The following FBXO8 variants were observed in gnomAD, a reference collection of about 807,000 sequenced individuals.
FBXO8 encodes the protein F-box protein 8.
Under a neutral mutation model 33.4 loss-of-function variants are expected in FBXO8, and 15 were observed. The ratio of observed to expected loss-of-function variants is 0.45; its 90% CI spans 0.30 to 0.69. The LOEUF (loss-of-function observed/expected upper bound fraction) is 0.69. FBXO8 is among the 30% of genes least tolerant of loss of function. FBXO8 has a pLI of 0.08. For synonymous variants in FBXO8, 132 were observed against 131.5 expected, an observed-to-expected ratio of 1.00 and a Z score of -0.02; for missense variants, 274 against 380.3, an observed-to-expected ratio of 0.72 and a Z score of 2.32.
At chr4:174,269,622 T>C (rs553979262) in intron 1 of FBXO8, among the ~76,000 whole-genome samples, 36 of 150,278 alleles carry the variant, frequency 2.4e-4, no homozygotes, top group African/African-American at 5.4e-4. Flanking sequence ...GAGGCAGAGG[T>C]TGCACCGAGC....
At chr4:174,273,675 C>G (rs1432152370) in intron 1 of FBXO8, among the ~76,000 whole-genome samples, 1 of 152,082 alleles carries the variant, frequency 6.6e-6, no homozygotes, top group Non-Finnish European at 1.5e-5. Flanking sequence ...ACAGATGGAA[C>G]AATAAGGTGA....
rs769805068 is a variant in FBXO8 at position 174,262,908 on chromosome 4, G to A, written c.185C>T (p.Ser62Leu). The A allele has an allele frequency of 1.5e-5, 24 of 1,613,878 alleles. No homozygotes were observed. Among genetic ancestry groups the A allele is most frequent in the East Asian group, 4.5e-5 (2 of 44,890 alleles). Residue 62 changes from serine (S) to leucine (L), a missense_variant, in exon 2 of 6, where the codon TCG becomes TTG. By Grantham distance (145) the Ser-to-Leu change is moderately radical. Coordinates refer to ENST00000393674, the MANE Select transcript of FBXO8 (RefSeq NM_012180.3). This position sits in a 1 kb window ranked among gnomAD's most constrained non-coding sequence, Gnocchi z 4.6. ...ATTAATGAATCCTTCCTGTTCTTTC[G>A]ATTTCCTTGCCTTCAAAAGATGATA... ...DIYHLLKARK[S>L]KEQEGFINLE...
rs138684583 is a variant in FBXO8 at position 174,241,213 on chromosome 4, C to T, written c.462G>A (p.Val154=). The part of the protein sequence containing the change: ...LTFNANPDEG[V]NYFMSKGILD... ...GGATACCCTTGGACATAAAGTAGTT[C>T]ACTCCCTAAGGCAGAAAGACAAGTC... Residue 154 remains valine, a synonymous_variant, in exon 4 of 6, where the codon GTG becomes GTA. Coordinates refer to ENST00000393674, the MANE Select transcript of FBXO8 (RefSeq NM_012180.3). This position sits in a 1 kb window ranked among gnomAD's most constrained non-coding sequence, Gnocchi z 4.2. 3 of 1,591,530 alleles carry T rather than the reference C, an allele frequency of 1.9e-6. No individual in the cohort carries two copies. The African/African-American group carries it at 4.1e-5, about 21-fold the overall frequency.
chr4:174,242,264 C>T (rs1233877671), intron 3 of FBXO8, among the ~76,000 whole-genome samples: 1 of 151,498 alleles, frequency 6.6e-6, no homozygotes, highest in East Asian at 1.9e-4. Flanking sequence ...ACATAGTACT[C>T]AGAAATATTA....
At chr4:174,260,992 T>C (rs1236287393) in intron 2 of FBXO8, among the ~76,000 whole-genome samples, 1 of 151,972 alleles carries the variant, frequency 6.6e-6, no homozygotes, top group Non-Finnish European at 1.5e-5. Flanking sequence ...TCTGAGCATA[T>C]AACATCAAAA....
intron 1 of FBXO8, among the ~76,000 whole-genome samples, chr4:174,273,445 G>A (rs151206530): frequency 6.6e-6 from 1 of 151,758 alleles, no homozygotes; most frequent in Non-Finnish European, 1.5e-5. Context: ...TTGCTATGTC[G>A]CACATTATTG....
chr4:174,252,927 C>T lies in FBXO8; in HGVS notation c.456+6772G>A, dbSNP rs1322044777. On this transcript the variant is annotated intron_variant, in intron 3 of 5. Coordinates refer to ENST00000393674, the MANE Select transcript of FBXO8 (RefSeq NM_012180.3). The surrounding 1 kb of genome is among the most constrained non-coding windows in gnomAD (Gnocchi z 5.1). ...TGGTGATTGCAGTGAGCCAAGACTG[C>T]ACCACTGCACTCCAGCCTGGGCAAC... is the stretch of plus-strand genomic sequence containing the variant. Among the ~76,000 whole-genome samples, 1 of 152,092 alleles carries T rather than the reference C, an allele frequency of 6.6e-6. No individual in the cohort carries two copies. The highest frequency in any genetic ancestry group is 2.4e-5 in the African/African-American group (1 of 41,416).
rs775291445 is a variant in FBXO8 at position 174,251,485 on chromosome 4, A to G, written c.456+8214T>C. 6.6e-6 allele frequency among the ~76,000 whole-genome samples: 1 copy of G among 152,120 alleles called. No individual in the cohort carries two copies. Among genetic ancestry groups the G allele is most frequent in the Non-Finnish European group, 1.5e-5 (1 of 68,018 alleles). ...AAAAGGGAAAAGGAGGGTGGCTGGGATAGAGTATGGTTAGGGTAAGGTGTA... is the reference window on the plus strand; with the variant it reads ...AAAAGGGAAAAGGAGGGTGGCTGGGGTAGAGTATGGTTAGGGTAAGGTGTA... On this transcript the variant is annotated intron_variant, in intron 3 of 5. Coordinates refer to ENST00000393674, the MANE Select transcript of FBXO8 (RefSeq NM_012180.3). This position sits in a 1 kb window ranked among gnomAD's most constrained non-coding sequence, Gnocchi z 4.2.
chr4:174,281,998 C>G lies in FBXO8; in HGVS notation c.-9+1412G>C, dbSNP rs1312174535. Among the ~76,000 whole-genome samples, 1 of 152,120 alleles carries G rather than the reference C, an allele frequency of 6.6e-6. No homozygotes were observed. Among genetic ancestry groups the G allele is most frequent in the East Asian group, 1.9e-4 (1 of 5,202 alleles). On this transcript the variant is annotated intron_variant, in intron 1 of 5. Coordinates refer to ENST00000393674, the MANE Select transcript of FBXO8 (RefSeq NM_012180.3). The surrounding 1 kb of genome is among the most constrained non-coding windows in gnomAD (Gnocchi z 4.6). ...AATGGAATAGTGCCAGTTTCCAAAT[C>G]TGAATCAAAATGAGGAAAAAATTAG...
At chr4:174,249,334 C>G (rs886897191) in intron 3 of FBXO8, among the ~76,000 whole-genome samples, 1 of 151,894 alleles carries the variant, frequency 6.6e-6, no homozygotes, top group African/African-American at 2.4e-5. Context: ...GCATTCTAAT[C>G]AAAATATGGA....
In FBXO8 at chr4:174,245,575, G is replaced by A. The variant is rs1736140107; in HGVS notation, c.457-4357C>T. Among the ~76,000 whole-genome samples the A allele has an allele frequency of 6.6e-6, 1 of 151,854 alleles. No individual in the cohort carries two copies. Among genetic ancestry groups the A allele is most frequent in the South Asian group, 2.1e-4 (1 of 4,826 alleles). On this transcript the variant is annotated intron_variant, in intron 3 of 5. Transcript: ENST00000393674. This position sits in a 1 kb window ranked among gnomAD's most constrained non-coding sequence, Gnocchi z 4.6. ...GAAATAGTGCTGAATTTTAGGGTAA[G>A]AAGTTTATTCTCTATCCTAAATCTA... is the stretch of plus-strand genomic sequence containing the variant.
Position 174,262,888 on chromosome 4 carries a change from T to C in FBXO8, c.205A>G (p.Ile69Val). The change falls in exon 2 of 6, where the codon ATT becomes GTT. Residue 69 changes from isoleucine to valine, a missense_variant. This residue lies in a region of FBXO8 where 88 missense variants were observed against 86.9 expected (regional missense o/e 1.01). Transcript: ENST00000393674. The surrounding 1 kb of genome is among the most constrained non-coding windows in gnomAD (Gnocchi z 4.6). ...TCAGGAGGCAACATTTCCAAATTAATGAATCCTTCCTGTTCTTTCGATTTC... is the reference window on the plus strand; with the variant it reads ...TCAGGAGGCAACATTTCCAAATTAACGAATCCTTCCTGTTCTTTCGATTTC... ...ARKSKEQEGF[I>V]NLEMLPPELS... is the part of the protein sequence containing the mutation. 6.2e-7 allele frequency: 1 copy of C among 1,614,088 alleles called. No individual in the cohort carries two copies. Among genetic ancestry groups the C allele is most frequent in the East Asian group, 2.2e-5 (1 of 44,884 alleles).
rs965943431 is a variant in FBXO8 at position 174,253,185 on chromosome 4, T to C, written c.456+6514A>G. ...AGTGAGGAGTCTAAATGGTGAGTTA[T>C]AAGCCTTGGCCATGTAGGCCCAGTG... On this transcript the variant is annotated intron_variant, in intron 3 of 5. Transcript: ENST00000393674. The surrounding 1 kb of genome is among the most constrained non-coding windows in gnomAD (Gnocchi z 4.5). Among the ~76,000 whole-genome samples, 1 of 152,148 alleles carries C rather than the reference T, an allele frequency of 6.6e-6. No individual in the cohort carries two copies. Among genetic ancestry groups the C allele is most frequent in the African/African-American group, 2.4e-5 (1 of 41,444 alleles).
At chr4:174,260,038 G>A (rs1240529721) in intron 2 of FBXO8, among the ~76,000 whole-genome samples, 1 of 151,970 alleles carries the variant, frequency 6.6e-6, no homozygotes, top group Admixed American at 6.6e-5. Context: ...TCTAATAAAT[G>A]TGAGTTATAG....
intron 3 of FBXO8, among the ~76,000 whole-genome samples, chr4:174,249,419 AAT>A (rs1350017699): frequency 1.3e-5 from 2 of 152,174 alleles, no homozygotes; most frequent in East Asian, 3.9e-4. Context: ...GATGCTAGCT[AAT>A]TTAGAATTCT....
At chr4:174,269,379 A>G (rs551436744) in intron 1 of FBXO8, among the ~76,000 whole-genome samples, 1 of 152,062 alleles carries the variant, frequency 6.6e-6, no homozygotes, top group South Asian at 2.1e-4. Context: ...TTTTCTCCTT[A>G]TTTTTCAGAA....
Position 174,274,586 on chromosome 4 carries a change from T to C in FBXO8, c.-9+8824A>G, listed in dbSNP as rs1736915349. Among the ~76,000 whole-genome samples the C allele has an allele frequency of 2.0e-5, 3 of 152,258 alleles. 1 individual carries two copies. The highest frequency in any genetic ancestry group is 6.5e-5 in the Admixed American group (1 of 15,298). On this transcript the variant is annotated intron_variant, in intron 1 of 5. Transcript: ENST00000393674. This position sits in a 1 kb window ranked among gnomAD's most constrained non-coding sequence, Gnocchi z 4.0. ...CAACACGCACTAGTTTCAGTTAACATGGTAAAATGCAAAATGATGACTGTA... is the reference window on the plus strand; with the variant it reads ...CAACACGCACTAGTTTCAGTTAACACGGTAAAATGCAAAATGATGACTGTA...
rs1736900033 is a variant in FBXO8 at position 174,274,167 on chromosome 4, C to G, written c.-9+9243G>C. On this transcript the variant is annotated intron_variant, in intron 1 of 5. Transcript: ENST00000393674. This position sits in a 1 kb window ranked among gnomAD's most constrained non-coding sequence, Gnocchi z 4.0. ...TTGGTCCCAGCTGCAGCTGCTCTTT[C>G]AGGCTACTGCTGTTCTTGTGGAAAG... Among the ~76,000 whole-genome samples, 1 of 152,214 alleles carries G rather than the reference C, an allele frequency of 6.6e-6. No individual in the cohort carries two copies. Among genetic ancestry groups the G allele is most frequent in the Non-Finnish European group, 1.5e-5 (1 of 68,038 alleles).
Position 174,277,583 on chromosome 4 carries a change from T to C in FBXO8, c.-9+5827A>G, listed in dbSNP as rs1027704629. On this transcript the variant is annotated intron_variant, in intron 1 of 5. Coordinates refer to ENST00000393674, the MANE Select transcript of FBXO8 (RefSeq NM_012180.3). This position sits in a 1 kb window ranked among gnomAD's most constrained non-coding sequence, Gnocchi z 4.9. ...TCTCAAAAAAGCATTCTGCTTTAAG[T>C]ACTTTTGTTTGAAGCAAACCAATTC... 1.6e-4 allele frequency among the ~76,000 whole-genome samples: 24 copies of C among 152,296 alleles called. No homozygotes were observed. The highest frequency in any genetic ancestry group is 5.5e-4 in the African/African-American group (23 of 41,574).
Sources: gnomAD v4.1 joint callset for allele counts (sites outside exome capture counted in the v4.1 genomes callset) on GRCh38, gnomAD v4.1.1 for gene constraint, gnomAD v4.1.1 regional missense constraint, Gnocchi (gnomAD v3.1) non-coding constraint, MANE v1.5 for transcripts, NCBI Gene and HGNC (gene_info 2026-07-23, HGNC 2026-07-21) for gene names.